The following TNKS variants were observed in gnomAD, a reference collection of about 807,000 sequenced individuals.
TNKS encodes the protein poly [ADP-ribose] polymerase tankyrase-1.
In TNKS, 72 loss-of-function variants were observed where a neutral mutation model predicts 135.8. That is an observed-to-expected ratio of 0.53 (90% CI 0.44 to 0.64). The LOEUF (loss-of-function observed/expected upper bound fraction) is 0.64. Ranked by LOEUF, TNKS falls within the 30% of genes least tolerant of loss-of-function variation. The pLI is 0.00. For missense variants in TNKS, 1,769 were observed against 1,674.0 expected (o/e 1.06, Z -0.99); for synonymous variants, 849 against 649.3 (o/e 1.31, Z -4.68).
chr8:9,684,002 GT>G (rs1802886964), intron 5 of TNKS, among the ~76,000 whole-genome samples: 1 of 150,068 alleles, frequency 6.7e-6, no homozygotes, highest in Admixed American at 6.6e-5. Context: ...GCTACCTTTT[GT>G]TGTTGCTCTA....
At chr8:9,573,110 C>A (rs1006811746) in intron 1 of TNKS, among the ~76,000 whole-genome samples, 1 of 151,842 alleles carries the variant, frequency 6.6e-6, no homozygotes, top group Non-Finnish European at 1.5e-5. Context: ...TAATGATGAA[C>A]AAGTCACATT....
chr8:9,731,643 A>C (rs1805447028), intron 14 of TNKS, among the ~76,000 whole-genome samples: 1 of 151,898 alleles, frequency 6.6e-6, no homozygotes, highest in Admixed American at 6.6e-5. Context: ...TTTTAACACA[A>C]ATGGTGGTGC....
At chr8:9,699,360 A>G (rs900516858) in intron 5 of TNKS, among the ~76,000 whole-genome samples, 7 of 152,220 alleles carry the variant, frequency 4.6e-5, no homozygotes, top group Non-Finnish European at 8.8e-5. Flanking sequence ...GCTTTGGATC[A>G]GGAGACAGCA....
intron 3 of TNKS, among the ~76,000 whole-genome samples, chr8:9,653,541 C>A (rs537663402): frequency 1.3e-5 from 2 of 151,878 alleles, no homozygotes; most frequent in Admixed American, 6.6e-5. Context: ...TGGGCACAAG[C>A]AAAGACGCCA....
Position 9,570,553 on chromosome 8 carries a change from C to G in TNKS, c.674-9606C>G, listed in dbSNP as rs145002843. 1.4e-4 allele frequency among the ~76,000 whole-genome samples: 22 copies of G among 152,300 alleles called. 1 individual carries two copies. The East Asian group carries it at 4.2e-3, about 29-fold the overall frequency. The stretch of plus-strand genomic sequence containing the variant: ...TGCAAAAAGCATGCGGTTAGTACAG[C>G]ATTTTCACTTGACAGCCTCCCCCAG... On this transcript the variant is annotated intron_variant, in intron 1 of 26. Coordinates refer to ENST00000310430, the MANE Select transcript of TNKS (RefSeq NM_003747.3).
At chr8:9,733,594 G>GTC in intron 15 of TNKS, 150 bp downstream of exon 15, 4 of 658,842 alleles carry the variant, frequency 6.1e-6, no homozygotes, top group Non-Finnish European at 1.0e-5. Context: ...CCGTTTATGT[G>GTC]ATATGACACA....
intron 1 of TNKS, among the ~76,000 whole-genome samples, chr8:9,563,276 A>G (rs1159549916): frequency 1.3e-5 from 2 of 152,056 alleles, no homozygotes; most frequent in African/African-American, 2.4e-5. Context: ...TTTGAATCCT[A>G]TTAAAAAATA....
intron 5 of TNKS, among the ~76,000 whole-genome samples, chr8:9,696,700 G>A (rs1022186312): frequency 8.5e-5 from 13 of 152,088 alleles, no homozygotes; most frequent in Admixed American, 2.6e-4. Context: ...CCCATTTACA[G>A]TAGCCACAAA....
intron 3 of TNKS, among the ~76,000 whole-genome samples, chr8:9,676,147 G>T (rs185524672): frequency 1.1e-4 from 17 of 151,936 alleles, no homozygotes; most frequent in Admixed American, 1.1e-3. Context: ...TGAGTAGCTG[G>T]AATTACAGCA....
chr8:9,726,029 C>A (rs1020409497), intron 12 of TNKS, among the ~76,000 whole-genome samples: 8 of 152,146 alleles, frequency 5.3e-5, no homozygotes, highest in African/African-American at 1.9e-4. Context: ...TATTTAGTAG[C>A]CCTTTTCTGT....
intron 21 of TNKS, 149 bp downstream of exon 21, chr8:9,761,785 T>A (rs1807162184): frequency 5.1e-6 from 4 of 785,006 alleles, no homozygotes. Flanking sequence ...GTTATTGGCC[T>A]CATGCTCCCT....
At chr8:9,584,007 A>G (rs1258257535) in intron 2 of TNKS, among the ~76,000 whole-genome samples, 4 of 151,556 alleles carry the variant, frequency 2.6e-5, no homozygotes, top group South Asian at 4.2e-4. Flanking sequence ...TACTAAAAAT[A>G]CAAAAAATTA....
intron 17 of TNKS, among the ~76,000 whole-genome samples, chr8:9,743,758 G>C (rs955048416): frequency 6.6e-6 from 1 of 152,148 alleles, no homozygotes; most frequent in African/African-American, 2.4e-5. Context: ...TAGATGTATA[G>C]ATATTAAAAA....
rs1278637980 is a variant in TNKS, at chr8:9,733,345, G to C, written c.2214G>C (p.Arg738Ser). ...ATGAGGTGGCTGAGCTTTTAGTAAG[G>C]CATGGGGCTTCTGTCAATGTGGCGG... ...GHYEVAELLVRHGASVNVADL... is the reference protein window; with the variant it reads ...GHYEVAELLVSHGASVNVADL... The change falls in exon 15 of 27, where the codon AGG (arginine) becomes AGC (serine). Residue 738 changes from arginine (R) to serine (S), a missense_variant. Coordinates refer to ENST00000310430, the MANE Select transcript of TNKS (RefSeq NM_003747.3). 1.2e-6 allele frequency: 2 copies of C among 1,612,084 alleles called. No homozygotes were observed. The highest frequency in any genetic ancestry group is 1.7e-6 in the Non-Finnish European group (2 of 1,179,344).
rs1808421602 is a variant in TNKS at position 9,780,672 on chromosome 8, A to G, written c.*3936A>G. The G allele has an allele frequency of 6.6e-6, 1 of 152,198 alleles. No individual in the cohort carries two copies. Among genetic ancestry groups the G allele is most frequent in the Non-Finnish European group, 1.5e-5 (1 of 68,038 alleles). The allele number at this position is 152,198 out of a possible 1,614,324, so 9.4% of individuals were successfully genotyped here. On this transcript the variant is annotated 3_prime_UTR_variant, in exon 27 of 27. Coordinates refer to ENST00000310430, the MANE Select transcript of TNKS (RefSeq NM_003747.3). ...CCTTAACTATGGCGGAAACTTTTTA[A>G]CCTTTTATATTTTAATAAATAAAAC...
At chr8:9,636,439 T>G (rs1800515086) in intron 3 of TNKS, among the ~76,000 whole-genome samples, 1 of 152,198 alleles carries the variant, frequency 6.6e-6, no homozygotes, top group Non-Finnish European at 1.5e-5. Flanking sequence ...TCAAGACTTT[T>G]TTTTTCTTTT....
At chr8:9,672,743 C>G (rs1277200139) in intron 3 of TNKS, among the ~76,000 whole-genome samples, 1 of 148,414 alleles carries the variant, frequency 6.7e-6, no homozygotes, top group East Asian at 2.0e-4. Flanking sequence ...TATCCCACTT[C>G]CCCCAGCCCC....
At chr8:9,654,374 TA>T (rs35774396) in intron 3 of TNKS, among the ~76,000 whole-genome samples, 125,177 of 152,080 alleles carry the variant, frequency 0.82, 51,771 homozygotes, top group Middle Eastern at 0.88. Flanking sequence ...TTTCTTGTGT[TA>T]AAAAAAACAT....
intron 1 of TNKS, among the ~76,000 whole-genome samples, chr8:9,564,415 A>G (rs1277225269): frequency 6.6e-6 from 1 of 152,244 alleles, no homozygotes; most frequent in Non-Finnish European, 1.5e-5. Flanking sequence ...AAGAAAAGTA[A>G]TCAAGGAATG....
Sources: allele counts gnomAD v4.1 joint callset (sites outside exome capture counted in the v4.1 genomes callset), GRCh38; gene constraint gnomAD v4.1.1; transcripts MANE v1.5; gene names NCBI Gene and HGNC (gene_info 2026-07-23, HGNC 2026-07-21).